USP22: variants seen among roughly 807,000 people sequenced by gnomAD.
USP22 encodes ubiquitin specific peptidase 22, also known as ubiquitin carboxyl-terminal hydrolase 22.
Under a neutral mutation model 68.1 loss-of-function variants are expected in USP22, and 22 were observed. The ratio of observed to expected loss-of-function variants is 0.32; its 90% CI spans 0.23 to 0.46. USP22 has a LOEUF of 0.46. Ranked by LOEUF, USP22 falls within the 20% of genes least tolerant of loss-of-function variation. USP22 has a pLI of 1.00. For synonymous variants in USP22, 279 were observed against 274.2 expected, an observed-to-expected ratio of 1.02 and a Z score of -0.17; for missense variants, 433 against 695.8, an observed-to-expected ratio of 0.62 and a Z score of 4.25.
At chr17:21,040,637 T>C (rs1256399589) in intron 1 of USP22, among the ~76,000 whole-genome samples, 3 of 152,094 alleles carry the variant, frequency 2.0e-5, no homozygotes, top group Non-Finnish European at 4.4e-5. Context: ...TTTAGGAAAT[T>C]AGGCAAAGTT....
intron 2 of USP22, among the ~76,000 whole-genome samples, chr17:21,022,580 A>G (rs1296735208): frequency 6.6e-6 from 1 of 152,154 alleles, no homozygotes; most frequent in Non-Finnish European, 1.5e-5. Flanking sequence ...CAGGCAGATC[A>G]CGAGGTCAGG....
At chr17:21,027,816 A>C (rs1191935070) in intron 2 of USP22, among the ~76,000 whole-genome samples, 2 of 152,150 alleles carry the variant, frequency 1.3e-5, no homozygotes, top group African/African-American at 4.8e-5. Context: ...CTAAAAATAC[A>C]AAAATTAGCC....
intron 6 of USP22, chr17:21,015,541 C>T (rs1597692551): frequency 1.6e-6 from 1 of 628,818 alleles, no homozygotes; most frequent in Non-Finnish European, 2.5e-6. Context: ...GGAACTACTT[C>T]CTCGCCTCTT....
rs1913538319 is a variant in USP22 at position 21,000,697 on chromosome 17, AC to A, written c.*2333del. On this transcript the variant is annotated 3_prime_UTR_variant, in exon 13 of 13. Coordinates refer to ENST00000261497, the MANE Select transcript of USP22 (RefSeq NM_015276.2). ...CAAGGTGGCAAGCCTTCATGAAGGC[AC>A]TGCCCAGCTCACAATCCTGTGGGCC... The A allele has an allele frequency of 6.6e-6, 1 of 152,254 alleles. No homozygotes were observed. Among genetic ancestry groups the A allele is most frequent in the Non-Finnish European group, 1.5e-5 (1 of 68,060 alleles). The allele number at this position is 152,254 out of a possible 1,614,324, so 9.4% of individuals were successfully genotyped here.
Position 21,041,045 on chromosome 17 carries a change from C to T in USP22, c.171+1620G>A, listed in dbSNP as rs571237005. Among the ~76,000 whole-genome samples the T allele has an allele frequency of 3.3e-5, 5 of 152,032 alleles. No homozygotes were observed. In the South Asian group the frequency reaches 6.2e-4, roughly 19 times the overall value. ...GATTACAGGCGCCCGCCATCACACC[C>T]GGCTACTTTTCGTATTTTTAGTAGA... On this transcript the variant is annotated intron_variant, in intron 1 of 12. Coordinates refer to ENST00000261497, the MANE Select transcript of USP22 (RefSeq NM_015276.2).
rs1048975415 is a variant in USP22, at chr17:21,001,528, A to T, written c.*1503T>A. The T allele has an allele frequency of 7.2e-5, 11 of 152,346 alleles. No individual in the cohort carries two copies. The highest frequency in any genetic ancestry group is 2.6e-4 in the African/African-American group (11 of 41,580). The allele number at this position is 152,346 out of a possible 1,614,324, so 9.4% of individuals were successfully genotyped here. ...GATTTCTGTGTCTAAAAGTTGTACTAGACACAGCCACATCTCTGTACTATT... is the reference window on the plus strand; with the variant it reads ...GATTTCTGTGTCTAAAAGTTGTACTTGACACAGCCACATCTCTGTACTATT... On this transcript the variant is annotated 3_prime_UTR_variant, in exon 13 of 13. Transcript: ENST00000261497.
chr17:21,028,534 C>T lies in USP22; in HGVS notation c.304+8G>A, dbSNP rs762477901. 21 of 1,613,222 alleles carry T rather than the reference C, an allele frequency of 1.3e-5. No homozygotes were observed. The Admixed American group carries it at 1.3e-4, about 10-fold the overall frequency. Reference sequence around the variant, plus strand: ...CAACTATCCCCCCATCCCAGAAGCTCGCCTCACCCAGGTTGTGCCGCTTCG... The same window carrying T: ...CAACTATCCCCCCATCCCAGAAGCTTGCCTCACCCAGGTTGTGCCGCTTCG... On this transcript the variant is annotated splice_region_variant and intron_variant, in intron 2 of 12. Coordinates refer to ENST00000261497, the MANE Select transcript of USP22 (RefSeq NM_015276.2).
chr17:21,038,861 C>A (rs970251049), intron 1 of USP22, among the ~76,000 whole-genome samples: 5 of 152,022 alleles, frequency 3.3e-5, no homozygotes, highest in African/African-American at 1.2e-4. Context: ...ACAGACAAAC[C>A]CTGAAATGGT....
chr17:21,005,538 C>A (rs922606426), intron 10 of USP22, among the ~76,000 whole-genome samples: 1 of 152,312 alleles, frequency 6.6e-6, no homozygotes, highest in Admixed American at 6.5e-5. Flanking sequence ...ACACCAAGAT[C>A]TTTGAGACCC....
chr17:21,002,969 G>A lies in USP22; in HGVS notation c.*62C>T, dbSNP rs1239718005. ...ACTTGGGGGAGGGGGGGGCCAGGGAGGATCACTTTGTGAGGCTTGCCAATG... is the reference window on the plus strand; with the variant it reads ...ACTTGGGGGAGGGGGGGGCCAGGGAAGATCACTTTGTGAGGCTTGCCAATG... On this transcript the variant is annotated 3_prime_UTR_variant, in exon 13 of 13. Transcript: ENST00000261497. The A allele has an allele frequency of 2.5e-6, 4 of 1,599,410 alleles. No individual in the cohort carries two copies. The highest frequency in any genetic ancestry group is 1.7e-5 in the Admixed American group (1 of 59,908).
In USP22 at chr17:21,043,009, A is replaced by C. The variant is rs1404282936; in HGVS notation, c.-174T>G. 1 of 329,412 alleles carries C rather than the reference A, an allele frequency of 3.0e-6. No homozygotes were observed. The highest frequency in any genetic ancestry group is 5.0e-5 in the Admixed American group (1 of 19,844). 20.4% of individuals were successfully genotyped at this position (329,412 alleles called of 1,614,324 possible). A position where few individuals can be genotyped will look rare whatever the true frequency, so the allele number is the denominator to read the frequency against. On this transcript the variant is annotated 5_prime_UTR_variant, in exon 1 of 13. Coordinates refer to ENST00000261497, the MANE Select transcript of USP22 (RefSeq NM_015276.2). ...TGCGCGATCGCCGAGGGGAGGCTGC[A>C]AGGCAGGCACCGCCCCCGAGCTGCG...
chr17:21,037,821 T>C (rs1269370416), intron 1 of USP22, among the ~76,000 whole-genome samples: 1 of 152,260 alleles, frequency 6.6e-6, no homozygotes, highest in Non-Finnish European at 1.5e-5. Flanking sequence ...TGGTGGATTA[T>C]ATTGAAGATA....
intron 2 of USP22, among the ~76,000 whole-genome samples, chr17:21,026,150 C>T (rs966062336): frequency 2.2e-4 from 34 of 152,116 alleles, no homozygotes; most frequent in African/African-American, 7.7e-4. Flanking sequence ...CCCAGCTACT[C>T]GGGTGGCTGA....
At chr17:21,039,078 A>T (rs547014813) in intron 1 of USP22, among the ~76,000 whole-genome samples, 1 of 151,856 alleles carries the variant, frequency 6.6e-6, no homozygotes, top group Non-Finnish European at 1.5e-5. Flanking sequence ...CAGCCTCACG[A>T]GTAGCTGGGA....
At position 21,004,788 on chromosome 17, in the gene USP22, CAAT is replaced by C; in HGVS notation, c.1385+137_1385+139del. The C allele has an allele frequency of 2.8e-4, 24 of 87,266 alleles. 10 individuals carry two copies. The South Asian group carries it at 3.8e-3, about 14-fold the overall frequency. The allele number at this position is 87,266 out of a possible 1,614,324, so 5.4% of individuals were successfully genotyped here. ...CTTTCCTAGTGGAGCTGCGGGCAGC[CAAT>C]AGTGGAGCTGCGGGCAGCCAAGCGG... On this transcript the variant is annotated intron_variant, in intron 11 of 12. Transcript: ENST00000261497.
intron 9 of USP22, 40 bp downstream of exon 9, chr17:21,007,830 A>G: frequency 1.2e-6 from 2 of 1,613,834 alleles, no homozygotes. Context: ...TGGACTAAAA[A>G]CTAAGTCTGC....
intron 3 of USP22, among the ~76,000 whole-genome samples, chr17:21,020,244 C>CAAAAACA (rs1972136418): frequency 1.4e-5 from 1 of 73,252 alleles, no homozygotes; most frequent in Non-Finnish European, 2.5e-5. Context: ...AATCAAAAAC[C>CAAAAACA]AAAAAAAAAA....
rs966371524 is a variant in USP22 at position 21,042,866 on chromosome 17, C to G, written c.-31G>C. 5 of 1,234,776 alleles carry G rather than the reference C, an allele frequency of 4.0e-6. No homozygotes were observed. In the East Asian group the frequency reaches 1.6e-4, roughly 40 times the overall value. 76.5% of individuals were successfully genotyped at this position (1,234,776 alleles called of 1,614,324 possible). A position where few individuals can be genotyped will look rare whatever the true frequency, so the allele number is the denominator to read the frequency against. ...GCAAGGCCCGGCCGCGCGCGGGGGGCGGCGGCGAGGGAGGCGAGGACGACG... is the reference window on the plus strand; with the variant it reads ...GCAAGGCCCGGCCGCGCGCGGGGGGGGGCGGCGAGGGAGGCGAGGACGACG... On this transcript the variant is annotated 5_prime_UTR_variant, in exon 1 of 13. Coordinates refer to ENST00000261497, the MANE Select transcript of USP22 (RefSeq NM_015276.2).
At chr17:21,015,610 A>G (rs779410367) in intron 6 of USP22, 142 bp downstream of exon 6, 53 of 1,232,266 alleles carry the variant, frequency 4.3e-5, no homozygotes, top group African/African-American at 6.2e-5. Flanking sequence ...TCAGAAACAA[A>G]TGACGACAAG....
Sources: gnomAD v4.1 joint callset for allele counts (sites outside exome capture counted in the v4.1 genomes callset) on GRCh38, gnomAD v4.1.1 for gene constraint, MANE v1.5 for transcripts, NCBI Gene and HGNC (gene_info 2026-07-23, HGNC 2026-07-21) for gene names.